The following KALRN variants were observed in gnomAD, a reference collection of about 807,000 sequenced individuals.
KALRN encodes the protein kalirin.
A neutral mutation model predicts 353.7 loss-of-function variants in KALRN; 70 were observed. That is an observed-to-expected ratio of 0.20 (90% CI 0.16 to 0.24). The LOEUF (loss-of-function observed/expected upper bound fraction) is 0.24, where lower values mean the gene tolerates loss of function less well. Among genes scored for constraint, KALRN ranks in the 10% least tolerant of loss-of-function variants. The probability of loss-of-function intolerance (pLI) is 1.00; values close to 1 mark genes in which losing one functional copy is unlikely to be tolerated. For missense variants in KALRN, 2,791 were observed against 3,756.7 expected, an observed-to-expected ratio of 0.74 and a Z score of 6.72; for synonymous variants, 1,391 against 1,434.8, an observed-to-expected ratio of 0.97 and a Z score of 0.69.
chr3:124,582,343 A>T (rs1263047877), intron 34 of KALRN, among the ~76,000 whole-genome samples: 1 of 152,066 alleles, frequency 6.6e-6, no homozygotes, highest in Non-Finnish European at 1.5e-5. Context: ...TTGAACTGTA[A>T]TTTCTCTGTT....
chr3:124,571,155 T>C (rs1186269408), intron 34 of KALRN, among the ~76,000 whole-genome samples: 1 of 152,254 alleles, frequency 6.6e-6, no homozygotes, highest in Non-Finnish European at 1.5e-5. Context: ...AAGAAAGTAA[T>C]ACAATTTGCA....
intron 33 of KALRN, among the ~76,000 whole-genome samples, chr3:124,497,176 G>C (rs920426036): frequency 6.6e-6 from 1 of 152,184 alleles, no homozygotes; most frequent in Non-Finnish European, 1.5e-5. Context: ...TTTGTAGCAG[G>C]GGGAGGAAAG....
chr3:124,549,923 T>C (rs999840373), intron 33 of KALRN, among the ~76,000 whole-genome samples: 1 of 151,930 alleles, frequency 6.6e-6, no homozygotes, highest in Non-Finnish European at 1.5e-5. Flanking sequence ...CACAGACAAG[T>C]AGTGGAAGCT....
chr3:124,337,933 T>C (rs934584934), intron 9 of KALRN, among the ~76,000 whole-genome samples: 2 of 152,228 alleles, frequency 1.3e-5, no homozygotes, highest in Non-Finnish European at 2.9e-5. Flanking sequence ...TAGAGGTATT[T>C]ATAGTATTCT....
intron 34 of KALRN, among the ~76,000 whole-genome samples, chr3:124,582,847 C>T (rs2074763988): frequency 6.6e-6 from 1 of 152,130 alleles, no homozygotes; most frequent in Non-Finnish European, 1.5e-5. Context: ...TGAGTCACTG[C>T]AGGCTTGACA....
chr3:124,152,060 G>T, intron 1 of KALRN: 1 of 1,371,966 alleles, frequency 7.3e-7, no homozygotes, highest in Non-Finnish European at 1.0e-6. Flanking sequence ...GTCTCATGGA[G>T]AAGATAATTT....
At chr3:124,372,733 AT>A (rs375642146) in intron 10 of KALRN, among the ~76,000 whole-genome samples, 15 of 152,248 alleles carry the variant, frequency 9.9e-5, no homozygotes, top group African/African-American at 3.4e-4. Flanking sequence ...ATTGTTGAGC[AT>A]TTTGGTCATT....
At chr3:124,053,776 T>C (rs1189806008) in intron 1 of KALRN, among the ~76,000 whole-genome samples, 1 of 152,256 alleles carries the variant, frequency 6.6e-6, no homozygotes, top group Non-Finnish European at 1.5e-5. Context: ...TGTGCTCCTT[T>C]GATCATGTTG....
chr3:124,203,187 A>G (rs1216870669), intron 1 of KALRN, among the ~76,000 whole-genome samples: 1 of 152,178 alleles, frequency 6.6e-6, no homozygotes, highest in Non-Finnish European at 1.5e-5. Flanking sequence ...AACTCAGTGC[A>G]GCAGTTTGGG....
intron 3 of KALRN, 45 bp downstream of exon 3, chr3:124,234,988 G>A (rs1427682812): frequency 1.4e-6 from 2 of 1,405,326 alleles, no homozygotes; most frequent in Admixed American, 1.9e-5. Context: ...GAGGGGAGCT[G>A]GGCTGATGCC....
chr3:124,054,369 A>ATAAAAATAAAAATAAAAATAAAAG (rs2041326411), intron 1 of KALRN, among the ~76,000 whole-genome samples: 1 of 151,376 alleles, frequency 6.6e-6, no homozygotes, highest in South Asian at 2.1e-4. Context: ...AAAAATAAAA[A>ATAAAAATAAAAATAAAAATAAAAG]TAAAAATAAA....
At chr3:124,412,197 T>A (rs550845401) in intron 13 of KALRN, among the ~76,000 whole-genome samples, 2 of 152,286 alleles carry the variant, frequency 1.3e-5, no homozygotes, top group Admixed American at 6.5e-5. Context: ...CCGCTCCCAC[T>A]TGCTTCAATC....
chr3:124,498,691 G>A (rs1365224992), intron 33 of KALRN, among the ~76,000 whole-genome samples: 1 of 152,148 alleles, frequency 6.6e-6, no homozygotes, highest in Non-Finnish European at 1.5e-5. Context: ...CTTAGACATA[G>A]TCACACTTTC....
chr3:124,180,037 A>G (rs1173620472), intron 1 of KALRN, among the ~76,000 whole-genome samples: 1 of 152,222 alleles, frequency 6.6e-6, no homozygotes, highest in African/African-American at 2.4e-5. Context: ...TCCACTAACC[A>G]TAATCATTGA....
At chr3:124,579,430 T>A (rs1477172779) in intron 34 of KALRN, among the ~76,000 whole-genome samples, 1 of 152,240 alleles carries the variant, frequency 6.6e-6, no homozygotes, top group Non-Finnish European at 1.5e-5. Context: ...GCCATCTAGT[T>A]GAAAAGTAAG....
chr3:124,591,115 C>A (rs1168234077), intron 34 of KALRN, among the ~76,000 whole-genome samples: 1 of 152,106 alleles, frequency 6.6e-6, no homozygotes, highest in Non-Finnish European at 1.5e-5. Flanking sequence ...ATTAAATGTA[C>A]CTGCTTTCAA....
Position 124,234,986 on chromosome 3 carries a change from C to T in KALRN, c.263+43C>T, listed in dbSNP as rs1171385242. 3 of 1,430,902 alleles carry T rather than the reference C, an allele frequency of 2.1e-6. No homozygotes were observed. The South Asian group carries it at 3.7e-5, about 17-fold the overall frequency. 88.6% of individuals were successfully genotyped at this position (1,430,902 alleles called of 1,614,324 possible). ...GGCCTGCAGGGGAGCGGGAGGGGAG[C>T]TGGGCTGATGCCAGTTTTGGAAGGA... On this transcript the variant is annotated intron_variant, in intron 3 of 59. Coordinates refer to ENST00000682506, the MANE Select transcript of KALRN (RefSeq NM_001388419.1).
At chr3:124,055,190 A>T (rs960335293) in intron 1 of KALRN, among the ~76,000 whole-genome samples, 5 of 152,236 alleles carry the variant, frequency 3.3e-5, no homozygotes, top group African/African-American at 9.6e-5. Flanking sequence ...TATCACTTTT[A>T]GCAGAGGGCA....
At chr3:124,331,120 G>A (rs1339202786) in intron 8 of KALRN, among the ~76,000 whole-genome samples, 1 of 152,154 alleles carries the variant, frequency 6.6e-6, no homozygotes, top group Non-Finnish European at 1.5e-5. Context: ...TGAAATCAAA[G>A]TAGTAACACC....
Sources: allele counts gnomAD v4.1 joint callset (sites outside exome capture counted in the v4.1 genomes callset), GRCh38; gene constraint gnomAD v4.1.1; transcripts MANE v1.5; gene names NCBI Gene and HGNC (gene_info 2026-07-23, HGNC 2026-07-21).